Variants in UGT1A9 observed in about 807,000 individuals in gnomAD.
UGT1A9 encodes the protein UDP glucuronosyltransferase family 1 member A9.
UGT1A9 carries 35 observed loss-of-function variants against 45.0 expected under a neutral mutation model. The ratio of observed to expected loss-of-function variants is 0.78; its 90% CI spans 0.59 to 1.03. The LOEUF (loss-of-function observed/expected upper bound fraction) is 1.03. Among genes scored for constraint, UGT1A9 ranks in the 50% least tolerant of loss-of-function variants. UGT1A9 has a pLI of 0.00. For synonymous variants in UGT1A9, 278 were observed against 250.6 expected, an observed-to-expected ratio of 1.11 and a Z score of -1.03; for missense variants, 687 against 666.6, an observed-to-expected ratio of 1.03 and a Z score of -0.34.
chr2:233,772,314 G>T lies in UGT1A9; in HGVS notation c.1348G>T (p.Glu450Ter). The T allele has an allele frequency of 6.2e-7, 1 of 1,614,222 alleles. No individual in the cohort carries two copies. The highest frequency in any genetic ancestry group is 8.5e-7 in the Non-Finnish European group (1 of 1,180,048). ...LSSLHKDRPV[E>*]PLDLAVFWVE... is the part of the protein sequence containing the mutation. Reference sequence around the variant, plus strand: ...CAGCCTTCACAAGGACCGCCCGGTGGAGCCGCTGGACCTGGCCGTGTTCTG... The same window carrying T: ...CAGCCTTCACAAGGACCGCCCGGTGTAGCCGCTGGACCTGGCCGTGTTCTG... Residue 450 changes from glutamate (E) to a stop codon, truncating the protein, a stop_gained, in exon 5 of 5, where the codon GAG (glutamate) becomes TAG (stop). Transcript: ENST00000354728. LOFTEE classifies it high-confidence loss of function.
intron 1 of UGT1A9, chr2:233,747,346 G>C (rs1006096980): frequency 6.2e-7 from 1 of 1,603,162 alleles, no homozygotes; most frequent in East Asian, 2.2e-5. Context: ...GCTCGCATGC[G>C]GGAGGCCGTG....
At chr2:233,743,802 T>C (rs181906347) in intron 1 of UGT1A9, 13 of 1,367,286 alleles carry the variant, frequency 9.5e-6, no homozygotes, top group Non-Finnish European at 1.3e-5. Context: ...GCTTCCTCCT[T>C]GTTCTCAGGG....
Position 233,739,281 on chromosome 2 carries a change from G to C in UGT1A9, c.856-27753G>C, listed in dbSNP as rs576910081. Among the ~76,000 whole-genome samples the C allele has an allele frequency of 5.3e-5, 8 of 152,344 alleles. 1 individual carries two copies. The South Asian group carries it at 1.7e-3, about 32-fold the overall frequency. On this transcript the variant is annotated intron_variant, in intron 1 of 4. Transcript: ENST00000354728. ...AATGTGAGGTTGGAGCCCCCACACA[G>C]AGTCTCCACTGGGGCACTGCCTAGT...
At chr2:233,744,492 G>A (rs1241222424) in intron 1 of UGT1A9, among the ~76,000 whole-genome samples, 2 of 152,034 alleles carry the variant, frequency 1.3e-5, no homozygotes, top group Admixed American at 1.3e-4. Flanking sequence ...GGGCAATTTA[G>A]TAAGAATAAA....
intron 1 of UGT1A9, among the ~76,000 whole-genome samples, chr2:233,733,605 C>T (rs2125780479): frequency 6.6e-6 from 1 of 152,304 alleles, no homozygotes; most frequent in East Asian, 1.9e-4. Flanking sequence ...TGATGGATTA[C>T]ATTTATTGAT....
intron 1 of UGT1A9, among the ~76,000 whole-genome samples, chr2:233,725,123 C>T (rs1575559586): frequency 7.2e-6 from 1 of 137,948 alleles, no homozygotes; most frequent in South Asian, 2.6e-4. Flanking sequence ...TTGCAGTGAG[C>T]CGAGATGGCA....
At chr2:233,689,251 A>G (rs970347387) in intron 1 of UGT1A9, among the ~76,000 whole-genome samples, 1 of 152,194 alleles carries the variant, frequency 6.6e-6, no homozygotes, top group African/African-American at 2.4e-5. Context: ...AGTGATTCAG[A>G]CTTGACTATT....
rs1364557158 is a variant in UGT1A9, at chr2:233,695,130, C to CTTTCTTTTTTTTTT, written c.855+22344_855+22345insCTTTTTTTTTTTTT. Among the ~76,000 whole-genome samples the CTTTCTTTTTTTTTT allele has an allele frequency of 1.2e-4, 17 of 138,832 alleles. 1 individual carries two copies. Among genetic ancestry groups the CTTTCTTTTTTTTTT allele is most frequent in the African/African-American group, 3.3e-4 (12 of 36,788 alleles). 91.1% of individuals were successfully genotyped at this position (138,832 alleles called of 152,430 possible). On this transcript the variant is annotated intron_variant, in intron 1 of 4. Transcript: ENST00000354728. ...GCCCATTAACCAACCCTTTTCTTTT[C>CTTTCTTTTTTTTTT]TTTTTTTTTTTTTTGAGACAGAGTC...
At chr2:233,681,880 C>T (rs924708101) in intron 1 of UGT1A9, 121 of 1,550,920 alleles carry the variant, frequency 7.8e-5, no homozygotes, top group South Asian at 5.5e-4. Context: ...ACTTCTTCCA[C>T]TTACTATATT....
chr2:233,674,586 G>T (rs2074289451), intron 1 of UGT1A9, among the ~76,000 whole-genome samples: 1 of 152,006 alleles, frequency 6.6e-6, no homozygotes, highest in Non-Finnish European at 1.5e-5. Context: ...ATGATAGAGG[G>T]TTATCTATAA....
chr2:233,680,102 C>A (rs929199534), intron 1 of UGT1A9, among the ~76,000 whole-genome samples: 1 of 152,016 alleles, frequency 6.6e-6, no homozygotes. Context: ...GCAATCATAG[C>A]GGCAGAGCTC....
chr2:233,676,730 T>C (rs1209885601), intron 1 of UGT1A9, among the ~76,000 whole-genome samples: 1 of 152,216 alleles, frequency 6.6e-6, no homozygotes, highest in Non-Finnish European at 1.5e-5. Flanking sequence ...TTTTGCCTGA[T>C]GTTTTCATCG....
intron 1 of UGT1A9, among the ~76,000 whole-genome samples, chr2:233,715,455 G>C (rs2076453035): frequency 6.6e-6 from 1 of 151,790 alleles, no homozygotes; most frequent in African/African-American, 2.4e-5. Flanking sequence ...GTTATTTTTT[G>C]AATTCCCCAT....
intron 1 of UGT1A9, chr2:233,730,077 T>G: frequency 1.2e-6 from 2 of 1,605,094 alleles, no homozygotes; most frequent in South Asian, 2.2e-5. Flanking sequence ...TGCTTCCATA[T>G]TTACTTATCT....
chr2:233,760,507 T>C (rs1199756469), intron 1 of UGT1A9: 2 of 1,614,154 alleles, frequency 1.2e-6, no homozygotes, highest in South Asian at 1.1e-5. Context: ...CGGAGCATTT[T>C]ACACCTTGAA....
At chr2:233,691,109 A>C (rs1338649252) in intron 1 of UGT1A9, 1 of 985,864 alleles carries the variant, frequency 1.0e-6, no homozygotes, top group African/African-American at 1.7e-5. Context: ...CTATTCCTAC[A>C]TGCTTGCTTA....
intron 1 of UGT1A9, among the ~76,000 whole-genome samples, chr2:233,759,710 G>C (rs746376626): frequency 6.6e-6 from 1 of 151,530 alleles, no homozygotes; most frequent in African/African-American, 2.4e-5. Context: ...GCGCGTGCTC[G>C]TGTGGTGGGC....
At chr2:233,738,036 C>T (rs28899194) in intron 1 of UGT1A9, among the ~76,000 whole-genome samples, 5,195 of 152,206 alleles carry the variant, frequency 0.034, 100 homozygotes, top group African/African-American at 0.051. Context: ...ATAATCCCCA[C>T]GTGTTGAGGA....
chr2:233,703,889 T>C (rs2125594145), intron 1 of UGT1A9, among the ~76,000 whole-genome samples: 1 of 152,182 alleles, frequency 6.6e-6, no homozygotes, highest in East Asian at 1.9e-4. Flanking sequence ...ACCATCATTT[T>C]TTTCTTTTCT....
Sources: allele counts gnomAD v4.1 joint callset (sites outside exome capture counted in the v4.1 genomes callset), GRCh38; gene constraint gnomAD v4.1.1; transcripts MANE v1.5; gene names NCBI Gene and HGNC (gene_info 2026-07-23, HGNC 2026-07-21).